ARHGAP39: variants seen among roughly 807,000 people sequenced by gnomAD.
The protein encoded by ARHGAP39 is Rho GTPase activating protein 39, also known as rho GTPase-activating protein 39.
Under a neutral mutation model 106.9 loss-of-function variants are expected in ARHGAP39, and 44 were observed. The observed-to-expected ratio is 0.41, with a 90% confidence interval of 0.32 to 0.53. ARHGAP39 has a LOEUF of 0.53. Among genes scored for constraint, ARHGAP39 ranks in the 20% least tolerant of loss-of-function variants. The pLI is 0.21. For missense variants in ARHGAP39, 1,496 were observed against 1,577.3 expected (o/e 0.95, Z 0.87); for synonymous variants, 768 against 693.2 (o/e 1.11, Z -1.69).
chr8:144,626,640 C>A (rs940374340), intron 1 of ARHGAP39, among the ~76,000 whole-genome samples: 1 of 152,388 alleles, frequency 6.6e-6, no homozygotes, highest in South Asian at 2.1e-4. Flanking sequence ...GCAGCAGGCC[C>A]AGCAAAAGCC....
At chr8:144,583,814 T>A (rs1819089390) in intron 2 of ARHGAP39, among the ~76,000 whole-genome samples, 1 of 152,234 alleles carries the variant, frequency 6.6e-6, no homozygotes, top group South Asian at 2.1e-4. Flanking sequence ...AAAACCCACA[T>A]ATTATCTTCC....
chr8:144,668,902 TTC>T (rs1822027340), intron 1 of ARHGAP39, among the ~76,000 whole-genome samples: 1 of 152,178 alleles, frequency 6.6e-6, no homozygotes, highest in African/African-American at 2.4e-5. Flanking sequence ...GGGATACACC[TTC>T]TGACTTGAAA....
upstream of ARHGAP39, among the ~76,000 whole-genome samples, chr8:144,688,753 G>C (rs1041633582): frequency 1.3e-5 from 2 of 152,122 alleles, no homozygotes; most frequent in African/African-American, 4.8e-5. Context: ...ATAAATGGAG[G>C]AACATAGCAC....
chr8:144,681,391 G>A (rs1822414023), intron 1 of ARHGAP39, among the ~76,000 whole-genome samples: 1 of 152,212 alleles, frequency 6.6e-6, no homozygotes, highest in African/African-American at 2.4e-5. Context: ...CTACTCTTTT[G>A]AGCCATGCCT....
intron 2 of ARHGAP39, among the ~76,000 whole-genome samples, chr8:144,593,268 C>A (rs1348867698): frequency 6.6e-6 from 1 of 152,130 alleles, no homozygotes; most frequent in Non-Finnish European, 1.5e-5. Context: ...GTGCTAGGGA[C>A]ACAAGAGTGA....
At chr8:144,627,323 A>T (rs1820945167) in intron 1 of ARHGAP39, among the ~76,000 whole-genome samples, 1 of 152,180 alleles carries the variant, frequency 6.6e-6, no homozygotes, top group South Asian at 2.1e-4. Flanking sequence ...TGGGAGGCCG[A>T]GGCAGGTGGA....
chr8:144,635,601 C>G (rs1046691417), intron 1 of ARHGAP39, among the ~76,000 whole-genome samples: 3 of 152,226 alleles, frequency 2.0e-5, no homozygotes, highest in African/African-American at 7.2e-5. Context: ...CCTGGTTGGT[C>G]AGAGCTCGGG....
At chr8:144,546,651 G>T (rs1036404496) in intron 5 of ARHGAP39, among the ~76,000 whole-genome samples, 1 of 152,066 alleles carries the variant, frequency 6.6e-6, no homozygotes, top group African/African-American at 2.4e-5. Flanking sequence ...CCCCAGGCTG[G>T]GCGCAACATC....
rs191800204 is a variant in ARHGAP39 at position 144,570,617 on chromosome 8, T to G, written c.512+10229A>C. 2.7e-3 allele frequency among the ~76,000 whole-genome samples: 406 copies of G among 152,256 alleles called. 4 individuals carry two copies. Among genetic ancestry groups the G allele is most frequent in the Non-Finnish European group, 3.6e-3 (243 of 67,998 alleles). ...TATATAAGAAGTGGAAATTGACAGA[T>G]TTTAAAGGAGAAATGAACAAATTCT... On this transcript the variant is annotated intron_variant, in intron 3 of 11. Transcript: ENST00000377307.
chr8:144,582,640 T>A (rs1025954864), intron 2 of ARHGAP39, among the ~76,000 whole-genome samples: 3 of 152,146 alleles, frequency 2.0e-5, no homozygotes, highest in Non-Finnish European at 4.4e-5. Context: ...GTGGGCGTGC[T>A]CAGGGCCTTA....
At chr8:144,584,487 G>A (rs1013765120) in intron 2 of ARHGAP39, among the ~76,000 whole-genome samples, 1 of 152,086 alleles carries the variant, frequency 6.6e-6, no homozygotes, top group African/African-American at 2.4e-5. Flanking sequence ...TTCTGGCCAG[G>A]TGCGGTGGCT....
intron 1 of ARHGAP39, among the ~76,000 whole-genome samples, chr8:144,649,021 A>T (rs190310416): frequency 6.6e-6 from 1 of 152,348 alleles, no homozygotes; most frequent in Admixed American, 6.5e-5. Flanking sequence ...ACCTGAAGGA[A>T]ATCGAGACAC....
At chr8:144,615,751 A>G (rs1425231876) in intron 1 of ARHGAP39, among the ~76,000 whole-genome samples, 1 of 152,254 alleles carries the variant, frequency 6.6e-6, no homozygotes, top group Non-Finnish European at 1.5e-5. Flanking sequence ...ACCCAGTCTC[A>G]TGCTCTGAAA....
intron 6 of ARHGAP39, among the ~76,000 whole-genome samples, chr8:144,540,245 C>A (rs781464681): frequency 5.3e-5 from 8 of 152,146 alleles, no homozygotes; most frequent in Non-Finnish European, 7.3e-5. Flanking sequence ...AAAAAAATTA[C>A]ATTAGCCAGG....
chr8:144,550,096 G>A (rs1268255355), intron 4 of ARHGAP39, among the ~76,000 whole-genome samples: 1 of 151,966 alleles, frequency 6.6e-6, no homozygotes, highest in African/African-American at 2.4e-5. Context: ...AACAGAGCAA[G>A]ACCTCATCTC....
intron 1 of ARHGAP39, among the ~76,000 whole-genome samples, chr8:144,683,636 C>T (rs1041198202): frequency 3.3e-5 from 5 of 152,012 alleles, no homozygotes; most frequent in African/African-American, 1.2e-4. Context: ...TGTGAGCCAC[C>T]GCACCTGGCC....
intron 1 of ARHGAP39, among the ~76,000 whole-genome samples, chr8:144,669,873 A>G (rs1431021790): frequency 6.6e-5 from 10 of 152,236 alleles, no homozygotes; most frequent in Non-Finnish European, 1.5e-4. Flanking sequence ...AATCACAAGT[A>G]TTGTCAAGGA....
chr8:144,607,818 A>G (rs1820349645), intron 1 of ARHGAP39, among the ~76,000 whole-genome samples: 1 of 152,112 alleles, frequency 6.6e-6, no homozygotes, highest in Admixed American at 6.6e-5. Context: ...TCTCCACACA[A>G]GTATTTATTT....
chr8:144,685,879 A>AC (rs1822577886), upstream of ARHGAP39, among the ~76,000 whole-genome samples: 1 of 147,598 alleles, frequency 6.8e-6, no homozygotes, highest in Admixed American at 6.7e-5. Flanking sequence ...ACCAAGCGCA[A>AC]CCCCCCGCCT....
Sources: allele counts gnomAD v4.1 joint callset (sites outside exome capture counted in the v4.1 genomes callset), GRCh38; gene constraint gnomAD v4.1.1; transcripts MANE v1.5; gene names NCBI Gene and HGNC (gene_info 2026-07-23, HGNC 2026-07-21).